Variants in RAB11FIP1 observed in about 807,000 individuals in gnomAD.
RAB11FIP1 encodes rab11 family-interacting protein 1.
In RAB11FIP1, 49 loss-of-function variants were observed where a neutral mutation model predicts 83.1. That is an observed-to-expected ratio of 0.59 (90% CI 0.47 to 0.75). RAB11FIP1 has a LOEUF of 0.75. Among genes scored for constraint, RAB11FIP1 ranks in the 30% least tolerant of loss-of-function variants. The pLI is 0.00. For missense variants in RAB11FIP1, 1,536 were observed against 1,598.7 expected, an observed-to-expected ratio of 0.96 and a Z score of 0.67; for synonymous variants, 670 against 656.0, an observed-to-expected ratio of 1.02 and a Z score of -0.33.
intron 1 of RAB11FIP1, among the ~76,000 whole-genome samples, chr8:37,891,971 C>T (rs759319748): frequency 4.6e-5 from 7 of 152,104 alleles, no homozygotes; most frequent in Non-Finnish European, 7.4e-5. Flanking sequence ...TAATTCACTT[C>T]AACAGAAATC....
intron 1 of RAB11FIP1, among the ~76,000 whole-genome samples, chr8:37,892,724 C>T (rs1806974518): frequency 6.6e-6 from 1 of 152,112 alleles, no homozygotes; most frequent in African/African-American, 2.4e-5. Context: ...AGGTGTAAGC[C>T]ACTGTGCCCA....
At chr8:37,877,070 G>T in intron 2 of RAB11FIP1, 39 bp downstream of exon 2, 3 of 1,424,248 alleles carry the variant, frequency 2.1e-6, no homozygotes, top group Non-Finnish European at 2.9e-6. Flanking sequence ...CATGGTAAGA[G>T]GAAGAAGAGA....
chr8:37,881,185 T>C (rs1806728647), intron 1 of RAB11FIP1, among the ~76,000 whole-genome samples: 1 of 152,220 alleles, frequency 6.6e-6, no homozygotes, highest in Non-Finnish European at 1.5e-5. Context: ...GTAGATATTA[T>C]ACCCATTTTA....
chr8:37,890,147 A>G (rs1258914526), intron 1 of RAB11FIP1, among the ~76,000 whole-genome samples: 4 of 152,248 alleles, frequency 2.6e-5, no homozygotes, highest in Non-Finnish European at 5.9e-5. Context: ...TATTTTGGTG[A>G]ACCACATGTC....
At chr8:37,875,373 T>G (rs1806587219) in intron 2 of RAB11FIP1, 51 bp from the exon 3 acceptor site, 1 of 1,400,888 alleles carries the variant, frequency 7.1e-7, no homozygotes, top group Non-Finnish European at 1.0e-6. Flanking sequence ...ACGGGTGGTT[T>G]GCAGTGTAGG....
chr8:37,869,227 CAAAAAA>C (rs59449975), intron 5 of RAB11FIP1, among the ~76,000 whole-genome samples: 1 of 126,894 alleles, frequency 7.9e-6, no homozygotes, highest in Non-Finnish European at 1.7e-5. Context: ...GATCCTGTAT[CAAAAAA>C]AAAAAAAAAA....
chr8:37,893,798 G>A (rs1807006375), intron 1 of RAB11FIP1, among the ~76,000 whole-genome samples: 1 of 151,454 alleles, frequency 6.6e-6, no homozygotes, highest in African/African-American at 2.4e-5. Context: ...CAAAAAAAAA[G>A]GATAAACTTT....
chr8:37,898,087 G>A (rs1437117845), intron 1 of RAB11FIP1, among the ~76,000 whole-genome samples: 2 of 152,318 alleles, frequency 1.3e-5, no homozygotes, highest in East Asian at 3.9e-4. Flanking sequence ...CCACCCAAGC[G>A]AAGGCGAGTA....
chr8:37,867,426 C>T (rs909974339), intron 5 of RAB11FIP1, among the ~76,000 whole-genome samples: 17 of 152,124 alleles, frequency 1.1e-4, no homozygotes, highest in Admixed American at 6.6e-4. Context: ...GAGTGGGGTC[C>T]GGGCGCAGTG....
chr8:37,880,001 C>T (rs1303925823), intron 1 of RAB11FIP1, among the ~76,000 whole-genome samples: 2 of 152,172 alleles, frequency 1.3e-5, no homozygotes, highest in African/African-American at 4.8e-5. Context: ...AGTCACATTT[C>T]AAACACTATC....
In RAB11FIP1 at chr8:37,872,200, T is replaced by A. The variant is rs1364744855; in HGVS notation, c.2602A>T (p.Thr868Ser). ...HAEDSERESVTTPGPATCGAP... is the reference protein window; with the variant it reads ...HAEDSERESVSTPGPATCGAP... ...CCACACGTCGCTGGCCCAGGTGTGG[T>A]CACCGATTCCCTTTCTGAGTCCTCT... The change falls in exon 4 of 6, where the codon ACC (threonine) becomes TCC (serine). Residue 868 changes from threonine (T) to serine (S), a missense_variant. Transcript: ENST00000330843. The A allele has an allele frequency of 6.2e-7, 1 of 1,614,016 alleles. No individual in the cohort carries two copies. The highest frequency in any genetic ancestry group is 1.7e-5 in the Admixed American group (1 of 60,010).
chr8:37,865,189 T>G (rs1358608255), intron 5 of RAB11FIP1, among the ~76,000 whole-genome samples: 2 of 152,144 alleles, frequency 1.3e-5, no homozygotes, highest in Non-Finnish European at 2.9e-5. Context: ...TTTTTAAAAG[T>G]CTCAATACAT....
In RAB11FIP1 at chr8:37,899,263, C is replaced by A. The variant is rs1200722128; in HGVS notation, c.179G>T (p.Ser60Ile). ...EKYATSVSER[S>I]LGAPVWREEA... The stretch of plus-strand genomic sequence containing the variant: ...CTCGCGCCACACGGGCGCGCCCAGG[C>A]TGCGCTCCGACACGGAGGTGGCGTA... Residue 60 changes from serine (S) to isoleucine (I), a missense_variant, in exon 1 of 6, where the codon AGC becomes ATC. Transcript: ENST00000330843. The surrounding 1 kb of genome is among the most constrained non-coding windows in gnomAD (Gnocchi z 4.5). 1.2e-6 allele frequency: 2 copies of A among 1,605,602 alleles called. No homozygotes were observed. The highest frequency in any genetic ancestry group is 2.7e-5 in the African/African-American group (2 of 74,492).
In RAB11FIP1 at chr8:37,863,064, T is replaced by C. The variant is rs777667832; in HGVS notation, c.3683A>G (p.Asp1228Gly). ...TTTGAGGACCAGCTGAATCAGCTCA[T>C]CGTGGGTCAGCTGCGCATATGCAAA... The part of the protein sequence containing the change: ...PAFAYAQLTH[D>G]ELIQLVLKQK... The change falls in exon 6 of 6, where the codon GAT becomes GGT. Residue 1228 changes from aspartate (D) to glycine (G), a missense_variant. Transcript: ENST00000330843. The C allele has an allele frequency of 1.1e-5, 18 of 1,612,780 alleles. No homozygotes were observed. Among genetic ancestry groups the C allele is most frequent in the Non-Finnish European group, 1.4e-5 (17 of 1,179,994 alleles).
intron 1 of RAB11FIP1, among the ~76,000 whole-genome samples, chr8:37,894,723 C>CATATATATATACATAT (rs964617555): frequency 4.9e-5 from 7 of 142,038 alleles, no homozygotes; most frequent in Admixed American, 1.4e-4. Flanking sequence ...TATATATATA[C>CATATATATATACATAT]ATATATATAT....
chr8:37,880,283 T>A (rs1806707307), intron 1 of RAB11FIP1, among the ~76,000 whole-genome samples: 1 of 151,736 alleles, frequency 6.6e-6, no homozygotes, highest in Non-Finnish European at 1.5e-5. Context: ...CAAGGCAAGA[T>A]CCCATTCTCC....
rs775867537 is a variant in RAB11FIP1 at position 37,871,299 on chromosome 8, C to T, written c.3503G>A (p.Gly1168Glu). ...THPVSAQPGA[G>E]TGSAKHRLHP... ...TCACCTGTGCTTGGCTGACCCAGTT[C>T]CAGCGCCTGGCTGAGCTGAGACTGG... Residue 1168 changes from glycine (G) to glutamate (E), a missense_variant, in exon 4 of 6, where the codon GGA (glycine) becomes GAA (glutamate). Gly to Glu is a moderately conservative substitution (Grantham distance 98). Coordinates refer to ENST00000330843, the MANE Select transcript of RAB11FIP1 (RefSeq NM_001002814.3). 21 of 1,610,706 alleles carry T rather than the reference C, an allele frequency of 1.3e-5. No homozygotes were observed. Among genetic ancestry groups the T allele is most frequent in the Non-Finnish European group, 1.7e-6 (2 of 1,178,802 alleles).
At chr8:37,898,681 G>C (rs1242803327) in intron 1 of RAB11FIP1, among the ~76,000 whole-genome samples, 3 of 151,412 alleles carry the variant, frequency 2.0e-5, no homozygotes, top group African/African-American at 7.3e-5. Flanking sequence ...TTAGCCGGGC[G>C]TGGTGGTGCG....
At chr8:37,873,647 C>T (rs1029397783) in intron 3 of RAB11FIP1, among the ~76,000 whole-genome samples, 7 of 151,888 alleles carry the variant, frequency 4.6e-5, no homozygotes, top group Non-Finnish European at 8.8e-5. Flanking sequence ...ACAACAGACA[C>T]TTTTATAACC....
Sources: gnomAD v4.1 joint callset for allele counts (sites outside exome capture counted in the v4.1 genomes callset) on GRCh38, gnomAD v4.1.1 for gene constraint, Gnocchi (gnomAD v3.1) non-coding constraint, MANE v1.5 for transcripts, NCBI Gene and HGNC (gene_info 2026-07-23, HGNC 2026-07-21) for gene names.